The following RUNX1 variants were observed in gnomAD, a reference collection of about 807,000 sequenced individuals.
The protein encoded by RUNX1 is runt-related transcription factor 1.
A neutral mutation model predicts 42.8 loss-of-function variants in RUNX1; 19 were observed. The observed-to-expected ratio is 0.44, with a 90% CI of 0.31 to 0.65. The LOEUF is 0.65. Ranked by LOEUF, RUNX1 falls within the 30% of genes least tolerant of loss-of-function variation. RUNX1 has a pLI of 0.07. For missense variants in RUNX1, 528 were observed against 672.0 expected (o/e 0.79, Z 2.37); for synonymous variants, 271 against 289.4 (o/e 0.94, Z 0.64).
rs577993505 is a variant in RUNX1 at position 35,022,334 on chromosome 21, G to C, written c.58+26508C>G. On this transcript the variant is annotated intron_variant, in intron 2 of 8. Coordinates refer to ENST00000675419, the MANE Select transcript of RUNX1 (RefSeq NM_001754.5). ...CCTTCTCGGTCTTACTCTTGATGGA[G>C]TCCGCTGGTTTTCTAGCCTGCGCCC... is the stretch of plus-strand genomic sequence containing the variant. Among the ~76,000 whole-genome samples, 145 of 152,316 alleles carry C rather than the reference G, an allele frequency of 9.5e-4. 1 individual carries two copies. The highest frequency in any genetic ancestry group is 1.6e-3 in the Non-Finnish European group (110 of 68,020).
intron 2 of RUNX1, among the ~76,000 whole-genome samples, chr21:34,981,184 G>T (rs965936659): frequency 6.6e-6 from 1 of 152,202 alleles, no homozygotes; most frequent in Non-Finnish European, 1.5e-5. Context: ...TGCTTGTGGA[G>T]TTCGTTTTGA....
intron 2 of RUNX1, among the ~76,000 whole-genome samples, chr21:34,926,795 CATT>C (rs2058398635): frequency 6.6e-6 from 1 of 152,036 alleles, no homozygotes; most frequent in Admixed American, 6.6e-5. Flanking sequence ...ATGGTGAAAG[CATT>C]TAGCTTTCAC....
chr21:34,804,771 C>G (rs906454857), intron 7 of RUNX1, among the ~76,000 whole-genome samples: 1 of 138,522 alleles, frequency 7.2e-6, no homozygotes, highest in Non-Finnish European at 1.5e-5. Context: ...GAGACAGTGT[C>G]TCGCTCTGTC....
At chr21:34,864,668 G>A (rs993537739) in intron 5 of RUNX1, among the ~76,000 whole-genome samples, 1 of 152,180 alleles carries the variant, frequency 6.6e-6, no homozygotes, top group Non-Finnish European at 1.5e-5. Context: ...CAAGGAAAGG[G>A]GTAAACAAGG....
At chr21:34,917,015 T>C (rs1330431323) in intron 2 of RUNX1, among the ~76,000 whole-genome samples, 1 of 152,066 alleles carries the variant, frequency 6.6e-6, no homozygotes, top group Non-Finnish European at 1.5e-5. Flanking sequence ...GGACTGAAAA[T>C]AGCAAAGGCC....
At chr21:34,820,283 C>T (rs2056889011) in intron 7 of RUNX1, among the ~76,000 whole-genome samples, 1 of 152,096 alleles carries the variant, frequency 6.6e-6, no homozygotes, top group South Asian at 2.1e-4. Context: ...GAGGATTTCC[C>T]TTCCTTGCTG....
At chr21:34,835,835 A>C (rs1250995349) in intron 6 of RUNX1, among the ~76,000 whole-genome samples, 2 of 152,190 alleles carry the variant, frequency 1.3e-5, no homozygotes, top group Non-Finnish European at 2.9e-5. Flanking sequence ...CTAGACTAGA[A>C]AGAGGCCCCC....
chr21:34,999,400 A>C (rs1000571831), intron 2 of RUNX1, among the ~76,000 whole-genome samples: 1 of 152,208 alleles, frequency 6.6e-6, no homozygotes, highest in African/African-American at 2.4e-5. Flanking sequence ...AGATACATCA[A>C]GGTCATGGAG....
intron 2 of RUNX1, among the ~76,000 whole-genome samples, chr21:35,021,361 T>C (rs2059196745): frequency 6.6e-6 from 1 of 152,112 alleles, no homozygotes; most frequent in African/African-American, 2.4e-5. Flanking sequence ...ACTAACTAAA[T>C]AAATGGTCTT....
At chr21:34,860,487 A>G (rs1429861039) in intron 5 of RUNX1, among the ~76,000 whole-genome samples, 1 of 152,040 alleles carries the variant, frequency 6.6e-6, no homozygotes, top group Admixed American at 6.6e-5. Context: ...AACCCTGTTA[A>G]AACAGTTATC....
intron 6 of RUNX1, among the ~76,000 whole-genome samples, chr21:34,835,885 G>T (rs1338202929): frequency 6.6e-6 from 1 of 152,170 alleles, no homozygotes; most frequent in Non-Finnish European, 1.5e-5. Flanking sequence ...AGCAGACCAC[G>T]AGAAGTGCAC....
At chr21:35,032,540 T>C (rs1315344661) in intron 2 of RUNX1, among the ~76,000 whole-genome samples, 1 of 152,212 alleles carries the variant, frequency 6.6e-6, no homozygotes, top group Non-Finnish European at 1.5e-5. Context: ...TGAATCCTCT[T>C]GGTCATAGAC....
chr21:34,888,664 G>A (rs375031337), intron 3 of RUNX1: 24 of 1,046,960 alleles, frequency 2.3e-5, no homozygotes, highest in Non-Finnish European at 2.7e-5. Context: ...CGGGGCGCCC[G>A]TCCCGCCCGC....
chr21:34,791,011 T>C lies in RUNX1; in HGVS notation c.*1124A>G, dbSNP rs1003030892. ...TCAACCCTCTGGAACTAGATTGACCTTCTCTGTTTTAAGGAGGAAGTTAGA... is the reference window on the plus strand; with the variant it reads ...TCAACCCTCTGGAACTAGATTGACCCTCTCTGTTTTAAGGAGGAAGTTAGA... On this transcript the variant is annotated 3_prime_UTR_variant, in exon 9 of 9. Transcript: ENST00000675419. 17 of 233,684 alleles carry C rather than the reference T, an allele frequency of 7.3e-5. No individual in the cohort carries two copies. The Middle Eastern group carries it at 3.8e-3, about 52-fold the overall frequency. The allele number at this position is 233,684 out of a possible 1,614,324, so 14.5% of individuals were successfully genotyped here. A position where few individuals can be genotyped will look rare whatever the true frequency, so the allele number is the denominator to read the frequency against.
chr21:34,808,375 G>T (rs896465210), intron 7 of RUNX1, among the ~76,000 whole-genome samples: 4 of 152,138 alleles, frequency 2.6e-5, no homozygotes, highest in African/African-American at 4.8e-5. Flanking sequence ...CAGGCTGCCT[G>T]CGGGAAGGAA....
intron 2 of RUNX1, among the ~76,000 whole-genome samples, chr21:35,035,757 G>A (rs984082392): frequency 1.3e-5 from 2 of 152,196 alleles, no homozygotes; most frequent in Non-Finnish European, 1.5e-5. Context: ...CTCGTTTGAC[G>A]CGGACTCCAG....
At chr21:35,040,770 C>CAAAAAAAAAAAAAA (rs1568808489) in intron 2 of RUNX1, among the ~76,000 whole-genome samples, 2 of 50,998 alleles carry the variant, frequency 3.9e-5, no homozygotes, top group African/African-American at 4.9e-5. Context: ...TAGACTCCAT[C>CAAAAAAAAAAAAAA]CAAAAAAAAA....
intron 2 of RUNX1, among the ~76,000 whole-genome samples, chr21:34,984,462 GT>G (rs2058870074): frequency 6.6e-6 from 1 of 152,190 alleles, no homozygotes; most frequent in Non-Finnish European, 1.5e-5. Flanking sequence ...TAACTTATCT[GT>G]GGGGGAGGCC....
Position 34,959,056 on chromosome 21 carries a change from G to C in RUNX1, c.59-66093C>G, listed in dbSNP as rs1011165140. On this transcript the variant is annotated intron_variant, in intron 2 of 8. Coordinates refer to ENST00000675419, the MANE Select transcript of RUNX1 (RefSeq NM_001754.5). ...CACACTCTGGGGACTGTTGTGGGGT[G>C]GGGGGAGTGGGGAGGGATAGCATTA... is the stretch of plus-strand genomic sequence containing the variant. Among the ~76,000 whole-genome samples the C allele has an allele frequency of 4.0e-3, 610 of 151,076 alleles. 1 individual carries two copies. The highest frequency in any genetic ancestry group is 0.014 in the Middle Eastern group (4 of 294).
Sources: gnomAD v4.1 joint callset for allele counts (sites outside exome capture counted in the v4.1 genomes callset) on GRCh38, gnomAD v4.1.1 for gene constraint, MANE v1.5 for transcripts, NCBI Gene and HGNC (gene_info 2026-07-23, HGNC 2026-07-21) for gene names.